UGGT2: variants seen among roughly 807,000 people sequenced by gnomAD.
UGGT2 encodes the protein UDP-glucose glycoprotein glucosyltransferase 2.
Under a neutral mutation model 192.1 loss-of-function variants are expected in UGGT2, and 180 were observed. The observed-to-expected ratio is 0.94, with a 90% CI of 0.83 to 1.06. The LOEUF is 1.06. Among genes scored for constraint, UGGT2 ranks in the 50% least tolerant of loss-of-function variants. UGGT2 has a pLI of 0.00. For synonymous variants in UGGT2, 580 were observed against 591.0 expected (o/e 0.98, Z 0.27); for missense variants, 1,849 against 1,795.7 (o/e 1.03, Z -0.54).
rs144658110 is a variant in UGGT2 at position 95,999,144 on chromosome 13, A to G, written c.757+67T>C. The G allele has an allele frequency of 5.6e-3, 7,488 of 1,345,322 alleles. 40 individuals carry two copies. The highest frequency in any genetic ancestry group is 0.013 in the Admixed American group (744 of 55,370). The allele number at this position is 1,345,322 out of a possible 1,614,324, so 83.3% of individuals were successfully genotyped here. Reference sequence around the variant, plus strand: ...GTAGGATTATACTCATTAAATTTTTAAAAAACTAAAGTATGTAAAAGCCTC... The same window carrying G: ...GTAGGATTATACTCATTAAATTTTTGAAAAACTAAAGTATGTAAAAGCCTC... On this transcript the variant is annotated intron_variant, in intron 6 of 38. Transcript: ENST00000376747.
intron 20 of UGGT2, among the ~76,000 whole-genome samples, chr13:95,912,586 G>A (rs2048537745): frequency 6.6e-6 from 1 of 152,190 alleles, no homozygotes; most frequent in Admixed American, 6.5e-5. Flanking sequence ...AGAAATAAAA[G>A]AGGACACAAA....
At chr13:95,906,104 T>C (rs2048282697) in intron 20 of UGGT2, among the ~76,000 whole-genome samples, 1 of 152,206 alleles carries the variant, frequency 6.6e-6, no homozygotes, top group Non-Finnish European at 1.5e-5. Context: ...AATTATCACT[T>C]TTTATGCTTT....
intron 8 of UGGT2, among the ~76,000 whole-genome samples, chr13:95,989,189 A>G (rs1360083913): frequency 2.6e-5 from 4 of 152,078 alleles, no homozygotes; most frequent in East Asian, 1.9e-4. Context: ...AAAAGGGCAA[A>G]TTGAATAGTA....
chr13:96,038,569 G>A (rs1397420487), intron 1 of UGGT2, among the ~76,000 whole-genome samples: 2 of 152,150 alleles, frequency 1.3e-5, no homozygotes, highest in African/African-American at 2.4e-5. Context: ...GGCTTCTGCT[G>A]AGATGGTTGA....
intron 5 of UGGT2, among the ~76,000 whole-genome samples, chr13:96,003,248 CT>C (rs1201957718): frequency 6.6e-6 from 1 of 152,152 alleles, no homozygotes; most frequent in Non-Finnish European, 1.5e-5. Flanking sequence ...CAGTCCTCCC[CT>C]GGGATTGATA....
intron 4 of UGGT2, among the ~76,000 whole-genome samples, chr13:96,016,432 T>A (rs1318630110): frequency 2.0e-5 from 3 of 152,234 alleles, no homozygotes; most frequent in Non-Finnish European, 4.4e-5. Context: ...CTCACTGCCC[T>A]GTGCCATGCC....
At chr13:96,046,559 G>C (rs2053315943) in intron 1 of UGGT2, among the ~76,000 whole-genome samples, 1 of 152,232 alleles carries the variant, frequency 6.6e-6, no homozygotes, top group African/African-American at 2.4e-5. Context: ...GAAGAAAGGT[G>C]ATTTCCGCAT....
intron 6 of UGGT2, among the ~76,000 whole-genome samples, chr13:95,996,450 C>T (rs904039187): frequency 6.6e-6 from 1 of 150,548 alleles, no homozygotes; most frequent in Non-Finnish European, 1.5e-5. Context: ...GGACTGAGAT[C>T]GTGCCACTGC....
At chr13:95,947,846 T>C in intron 14 of UGGT2, 150 bp downstream of exon 14, 1 of 565,352 alleles carries the variant, frequency 1.8e-6, no homozygotes, top group Non-Finnish European at 3.2e-6. Context: ...AACATAAAGG[T>C]ATATAATACT....
intron 7 of UGGT2, among the ~76,000 whole-genome samples, chr13:95,992,480 C>T (rs2051488744): frequency 6.6e-6 from 1 of 152,088 alleles, no homozygotes; most frequent in African/African-American, 2.4e-5. Flanking sequence ...CTTGTTTTGG[C>T]TCTCAGCTTG....
At chr13:95,974,424 A>G (rs1012325340) in intron 10 of UGGT2, among the ~76,000 whole-genome samples, 4 of 152,316 alleles carry the variant, frequency 2.6e-5, no homozygotes, top group Non-Finnish European at 4.4e-5. Context: ...AATTGTAAGT[A>G]CAAAGTACAC....
At chr13:95,864,779 T>C (rs911757433) in intron 30 of UGGT2, among the ~76,000 whole-genome samples, 2 of 152,222 alleles carry the variant, frequency 1.3e-5, no homozygotes, top group Non-Finnish European at 2.9e-5. Flanking sequence ...GGTTTACAGA[T>C]TAGTTTCACC....
At chr13:95,881,590 A>C (rs1225274103) in intron 27 of UGGT2, among the ~76,000 whole-genome samples, 3 of 152,230 alleles carry the variant, frequency 2.0e-5, no homozygotes, top group Non-Finnish European at 2.9e-5. Context: ...TGTAATGAAT[A>C]TATCAATAAA....
intron 20 of UGGT2, among the ~76,000 whole-genome samples, chr13:95,917,292 C>CA (rs1177189476): frequency 1.3e-5 from 2 of 151,680 alleles, no homozygotes; most frequent in African/African-American, 2.4e-5. Flanking sequence ...AAAGAATTCC[C>CA]AAAAAAAAGA....
At chr13:95,849,297 GAGGCCAAGGC>G (rs1888779445) in intron 36 of UGGT2, among the ~76,000 whole-genome samples, 1 of 152,028 alleles carries the variant, frequency 6.6e-6, no homozygotes, top group Non-Finnish European at 1.5e-5. Flanking sequence ...AGCACTTTGG[GAGGCCAAGGC>G]AGGCAGATCA....
At chr13:96,010,968 C>T (rs1208570488) in intron 5 of UGGT2, among the ~76,000 whole-genome samples, 5 of 152,202 alleles carry the variant, frequency 3.3e-5, no homozygotes, top group South Asian at 2.1e-4. Context: ...CATACAAATA[C>T]AGTCAATTAT....
At chr13:95,998,784 AG>A (rs200782352) in intron 6 of UGGT2, among the ~76,000 whole-genome samples, 50 of 151,662 alleles carry the variant, frequency 3.3e-4, no homozygotes, top group Middle Eastern at 3.4e-3. Context: ...GCTTCAGGAT[AG>A]AAAAAAAAAA....
rs778195073 is a variant in UGGT2 at position 95,877,715 on chromosome 13, T to C, written c.3370A>G (p.Ile1124Val). The change falls in exon 28 of 39, where the codon ATA becomes GTA. Residue 1124 changes from isoleucine to valine, a missense_variant. Transcript: ENST00000376747. ...ATACTTACATGATGTGCCATCACTA[T>C]TGTATCAACCACAGCAGGTTTATTT... ...TKNKPAVVDT[I>V]VMAHHGYFQL... 9.3e-6 allele frequency: 15 copies of C among 1,613,686 alleles called. No individual in the cohort carries two copies. Among genetic ancestry groups the C allele is most frequent in the African/African-American group, 4.0e-5 (3 of 74,930 alleles).
intron 13 of UGGT2, 64 bp downstream of exon 13, chr13:95,949,271 T>C: frequency 7.5e-7 from 1 of 1,335,298 alleles, no homozygotes; most frequent in South Asian, 2.1e-5. Context: ...GACAGAAGGA[T>C]AATCCAGAAA....
Sources: gnomAD v4.1 joint callset for allele counts (sites outside exome capture counted in the v4.1 genomes callset) on GRCh38, gnomAD v4.1.1 for gene constraint, MANE v1.5 for transcripts, NCBI Gene and HGNC (gene_info 2026-07-23, HGNC 2026-07-21) for gene names.